Variants in KLHL2 observed in about 807,000 individuals in gnomAD.
KLHL2 encodes kelch-like protein 2.
In KLHL2, 15 loss-of-function variants were observed where a neutral mutation model predicts 75.8. The ratio of observed to expected loss-of-function variants is 0.20; its 90% CI spans 0.13 to 0.30. The LOEUF is 0.30. KLHL2 is among the 10% of genes least tolerant of loss of function. The pLI, the probability that KLHL2 is intolerant of heterozygous loss-of-function variation, is 1.00. For missense variants in KLHL2, 381 were observed against 741.0 expected (o/e 0.51, Z 5.64); for synonymous variants, 214 against 251.9 (o/e 0.85, Z 1.42).
At chr4:165,310,815 T>A in intron 10 of KLHL2, 65 bp downstream of exon 10, 4 of 1,329,902 alleles carry the variant, frequency 3.0e-6, no homozygotes, top group Non-Finnish European at 4.3e-6. Flanking sequence ...GTTTATGGAA[T>A]AAATTGTGGC....
intron 8 of KLHL2, 101 bp from the exon 9 acceptor site, chr4:165,305,507 C>T (rs907602874): frequency 1.1e-6 from 1 of 942,916 alleles, no homozygotes; most frequent in South Asian, 1.4e-5. Context: ...ACCCTATCAT[C>T]TTCATCCTAA....
At chr4:165,208,877 G>T (rs985369983) in intron 1 of KLHL2, among the ~76,000 whole-genome samples, 3 of 152,060 alleles carry the variant, frequency 2.0e-5, no homozygotes, top group African/African-American at 7.2e-5. Flanking sequence ...GTCAAATTTG[G>T]CAAGCTTCAC....
chr4:165,225,461 A>G (rs1488003544), intron 2 of KLHL2, among the ~76,000 whole-genome samples: 1 of 152,186 alleles, frequency 6.6e-6, no homozygotes, highest in African/African-American at 2.4e-5. Flanking sequence ...ATAACAACTT[A>G]TTTATACCAT....
intron 9 of KLHL2, among the ~76,000 whole-genome samples, chr4:165,307,688 T>C (rs530834903): frequency 1.3e-5 from 2 of 152,326 alleles, no homozygotes; most frequent in South Asian, 2.1e-4. Context: ...TATTTTTCCA[T>C]GGTTAAATTG....
Position 165,256,331 on chromosome 4 carries a change from C to T in KLHL2, c.382-6866C>T, listed in dbSNP as rs183354868. On this transcript the variant is annotated intron_variant, in intron 4 of 14. Coordinates refer to ENST00000226725, the MANE Select transcript of KLHL2 (RefSeq NM_007246.4). Reference sequence around the variant, plus strand: ...ACAAATAAAAAAGCTTTTTTTTCCCCGTTTTTCAAAATGACAACATTTTAA... The same window carrying T: ...ACAAATAAAAAAGCTTTTTTTTCCCTGTTTTTCAAAATGACAACATTTTAA... Among the ~76,000 whole-genome samples, 321 of 152,170 alleles carry T rather than the reference C, an allele frequency of 2.1e-3. 2 individuals carry two copies. The highest frequency in any genetic ancestry group is 6.8e-3 in the Middle Eastern group (2 of 294).
Position 165,311,668 on chromosome 4 carries a change from T to C in KLHL2, c.1339+103T>C, listed in dbSNP as rs1417252451. On this transcript the variant is annotated intron_variant, in intron 11 of 14. Coordinates refer to ENST00000226725, the MANE Select transcript of KLHL2 (RefSeq NM_007246.4). ...GTTTTCTGAATGGGCAAGCTAATTA[T>C]CATTTTAAAAAGAAAAGTCGTAATT... is the stretch of plus-strand genomic sequence containing the variant. The C allele has an allele frequency of 1.6e-5, 12 of 762,224 alleles. No individual in the cohort carries two copies. In the Admixed American group the frequency reaches 2.7e-4, roughly 17 times the overall value. The allele number at this position is 762,224 out of a possible 1,614,324, so 47.2% of individuals were successfully genotyped here.
At position 165,319,203 on chromosome 4, in the gene KLHL2, AT is replaced by A. The variant is rs1456741365; in HGVS notation, c.1753+1236del. Among the ~76,000 whole-genome samples the A allele has an allele frequency of 1.3e-5, 2 of 152,230 alleles. No homozygotes were observed. Among genetic ancestry groups the A allele is most frequent in the Non-Finnish European group, 2.9e-5 (2 of 68,044 alleles). ...CCACTTAAAAAGCTGTGGGGGGCTA[AT>A]TACCTTTGAAAGAGCAGTTTGTCTC... On this transcript the variant is annotated intron_variant, in intron 14 of 14. Transcript: ENST00000226725. The surrounding 1 kb of genome is among the most constrained non-coding windows in gnomAD (Gnocchi z 4.5).
intron 5 of KLHL2, among the ~76,000 whole-genome samples, chr4:165,282,215 T>G (rs1743746669): frequency 6.6e-6 from 1 of 152,226 alleles, no homozygotes; most frequent in Admixed American, 6.5e-5. Context: ...CATTACATTT[T>G]AGGTAAATTC....
chr4:165,313,971 T>A (rs1746410826), intron 12 of KLHL2, 55 bp from the exon 13 acceptor site: 1 of 1,552,102 alleles, frequency 6.4e-7, no homozygotes, highest in Non-Finnish European at 8.7e-7. Flanking sequence ...AAACCTAATA[T>A]GATATAAATC....
rs1407330686 is a variant in KLHL2 at position 165,294,533 on chromosome 4, T to A, written c.654+65T>A. ...CCCTTTTTTTTTTTTTAATTTCACT[T>A]TTTTTTATAGCTTTGTGATCCTGTA... On this transcript the variant is annotated intron_variant, in intron 6 of 14. Coordinates refer to ENST00000226725, the MANE Select transcript of KLHL2 (RefSeq NM_007246.4). 8.3e-6 allele frequency: 7 copies of A among 838,742 alleles called. No individual in the cohort carries two copies. The East Asian group carries it at 1.9e-4, about 23-fold the overall frequency. 52.0% of individuals were successfully genotyped at this position (838,742 alleles called of 1,614,324 possible).
chr4:165,320,633 G>A (rs1447595244), intron 14 of KLHL2, among the ~76,000 whole-genome samples: 2 of 152,302 alleles, frequency 1.3e-5, no homozygotes, highest in Non-Finnish European at 2.9e-5. Context: ...AATCTCAACA[G>A]AGAAAACATG....
In KLHL2 at chr4:165,207,943, C is replaced by A. The variant is rs1464819252; in HGVS notation, c.26+41C>A. 7.5e-7 allele frequency: 1 copy of A among 1,327,316 alleles called. No individual in the cohort carries two copies. Among genetic ancestry groups the A allele is most frequent in the Non-Finnish European group, 9.6e-7 (1 of 1,036,324 alleles). 82.2% of individuals were successfully genotyped at this position (1,327,316 alleles called of 1,614,324 possible). A position where few individuals can be genotyped will look rare whatever the true frequency, so the allele number is the denominator to read the frequency against. ...GGCGGGCTGCGCCGCTGCGGATAAG[C>A]GCGCCGCTGCGGCGCGTGTCGCCGG... On this transcript the variant is annotated intron_variant, in intron 1 of 14. Coordinates refer to ENST00000226725, the MANE Select transcript of KLHL2 (RefSeq NM_007246.4). This position sits in a 1 kb window ranked among gnomAD's most constrained non-coding sequence, Gnocchi z 4.2.
chr4:165,304,433 A>G (rs145817747), intron 8 of KLHL2, among the ~76,000 whole-genome samples: 287 of 152,178 alleles, frequency 1.9e-3, no homozygotes, highest in Non-Finnish European at 3.5e-3. Context: ...GAGTTACTCC[A>G]TATTCTGTTT....
At chr4:165,317,652 A>G (rs934800489) in intron 13 of KLHL2, among the ~76,000 whole-genome samples, 174 bp from the exon 14 acceptor site, 1 of 152,338 alleles carries the variant, frequency 6.6e-6, no homozygotes, top group South Asian at 2.1e-4. Context: ...GGCGTGAGCC[A>G]TGGTGCCTGG....
intron 5 of KLHL2, chr4:165,279,374 C>T: frequency 6.3e-7 from 1 of 1,583,814 alleles, no homozygotes; most frequent in Non-Finnish European, 8.7e-7. Context: ...CCTCTGGTTG[C>T]TGACACCAAT....
chr4:165,294,504 GT>G, intron 6 of KLHL2, 36 bp downstream of exon 6: 1 of 1,097,980 alleles, frequency 9.1e-7, no homozygotes. Flanking sequence ...GTGCAATGAT[GT>G]TTCCCTTTTT....
chr4:165,224,309 TG>T, intron 2 of KLHL2, among the ~76,000 whole-genome samples: 1 of 152,156 alleles, frequency 6.6e-6, no homozygotes, highest in Non-Finnish European at 1.5e-5. Context: ...GTATTAGTGG[TG>T]GGGGCACAAC....
intron 5 of KLHL2, among the ~76,000 whole-genome samples, chr4:165,269,909 A>T (rs1215324884): frequency 6.6e-6 from 1 of 152,088 alleles, no homozygotes; most frequent in African/African-American, 2.4e-5. Context: ...TATCCTGAAG[A>T]GTGTTTTCTA....
intron 2 of KLHL2, among the ~76,000 whole-genome samples, chr4:165,226,637 G>C (rs1237513870): frequency 6.6e-6 from 1 of 152,014 alleles, no homozygotes; most frequent in Non-Finnish European, 1.5e-5. Context: ...AAAATATTCT[G>C]TAGAGGTAGT....
Sources: gnomAD v4.1 joint callset for allele counts (sites outside exome capture counted in the v4.1 genomes callset) on GRCh38, gnomAD v4.1.1 for gene constraint, Gnocchi (gnomAD v3.1) non-coding constraint, MANE v1.5 for transcripts, NCBI Gene and HGNC (gene_info 2026-07-23, HGNC 2026-07-21) for gene names.